FBXO42: variants seen among roughly 807,000 people sequenced by gnomAD.
FBXO42 encodes the protein F-box protein 42.
Under a neutral mutation model 71.7 loss-of-function variants are expected in FBXO42, and 12 were observed. That is an observed-to-expected ratio of 0.17 (90% CI 0.11 to 0.27). The LOEUF (loss-of-function observed/expected upper bound fraction) is 0.27. Among genes scored for constraint, FBXO42 ranks in the 10% least tolerant of loss-of-function variants. The probability of loss-of-function intolerance (pLI) is 1.00; values close to 1 mark genes in which losing one functional copy is unlikely to be tolerated. For missense variants in FBXO42, 707 were observed against 911.9 expected (o/e 0.78, Z 2.89); for synonymous variants, 325 against 327.5 (o/e 0.99, Z 0.08).
In FBXO42 at chr1:16,251,367, C is replaced by T. The variant is rs1400400273; in HGVS notation, c.1457G>A (p.Arg486Gln). 12 of 1,614,038 alleles carry T rather than the reference C, an allele frequency of 7.4e-6. No homozygotes were observed. The East Asian group carries it at 2.0e-4, about 27-fold the overall frequency. ...ATCTTTCTGATCTGGTAGTGATCCT[C>T]GTCGGGGGGCCAAAGAAAGTCCTAT... is the stretch of plus-strand genomic sequence containing the variant. ...LKIGLSLAPR[R>Q]GSLPDQKDLR... Residue 486 changes from arginine to glutamine, a missense_variant, in exon 10 of 10, where the codon CGA (arginine) becomes CAA (glutamine). By Grantham distance (43) the Arg-to-Gln change is conservative. This residue lies in a region of FBXO42 where 482 missense variants were observed against 587.1 expected (regional missense o/e 0.82). Coordinates refer to ENST00000375592, the MANE Select transcript of FBXO42 (RefSeq NM_018994.3). This position sits in a 1 kb window ranked among gnomAD's most constrained non-coding sequence, Gnocchi z 4.5.
intron 2 of FBXO42, among the ~76,000 whole-genome samples, chr1:16,311,487 CAA>C (rs138051911): frequency 0.19 from 20,195 of 108,508 alleles, 1,784 homozygotes; most frequent in East Asian, 0.38. Flanking sequence ...GATCTTGTCT[CAA>C]AAAAAAAAAA....
At chr1:16,283,492 A>G (rs904809544) in intron 4 of FBXO42, among the ~76,000 whole-genome samples, 1 of 69,812 alleles carries the variant, frequency 1.4e-5, no homozygotes, top group African/African-American at 4.1e-5. Flanking sequence ...TAACTGTGGC[A>G]AGTTTTTTTT....
intron 3 of FBXO42, among the ~76,000 whole-genome samples, chr1:16,302,307 A>G (rs6673028): frequency 0.027 from 4,052 of 152,260 alleles, 183 homozygotes; most frequent in African/African-American, 0.09. Context: ...ACTTAGCAAG[A>G]CTGAGGTAGT....
In FBXO42 at chr1:16,250,663, G is replaced by A. The variant is rs769281804; in HGVS notation, c.*7C>T. ...AGCCACAGAAAAGGAAAGGGGTTTA[G>A]AACACATTATCTCTTTGCTCGTACA... is the stretch of plus-strand genomic sequence containing the variant. On this transcript the variant is annotated 3_prime_UTR_variant, in exon 10 of 10. Coordinates refer to ENST00000375592, the MANE Select transcript of FBXO42 (RefSeq NM_018994.3). This position sits in a 1 kb window ranked among gnomAD's most constrained non-coding sequence, Gnocchi z 4.7. The A allele has an allele frequency of 6.2e-6, 10 of 1,608,830 alleles. No homozygotes were observed. In the East Asian group the frequency reaches 1.8e-4, roughly 29 times the overall value.
At chr1:16,279,168 G>T (rs549829683) in intron 4 of FBXO42, among the ~76,000 whole-genome samples, 1 of 152,260 alleles carries the variant, frequency 6.6e-6, no homozygotes, top group Admixed American at 6.5e-5. Context: ...CATGTGATAT[G>T]ACCAATACTT....
chr1:16,349,380 C>T lies in FBXO42; in HGVS notation c.-18+2875G>A, dbSNP rs144128124. Reference sequence around the variant, plus strand: ...ACCAAAAGCTGTCTTAAATTAGTACCTACTTCCCAAAACACCCGCCATATG... The same window carrying T: ...ACCAAAAGCTGTCTTAAATTAGTACTTACTTCCCAAAACACCCGCCATATG... On this transcript the variant is annotated intron_variant, in intron 1 of 9. Coordinates refer to ENST00000375592, the MANE Select transcript of FBXO42 (RefSeq NM_018994.3). 1.2e-3 allele frequency among the ~76,000 whole-genome samples: 176 copies of T among 152,292 alleles called. 3 individuals carry two copies. The highest frequency in any genetic ancestry group is 3.9e-3 in the African/African-American group (161 of 41,568).
intron 4 of FBXO42, among the ~76,000 whole-genome samples, chr1:16,274,289 C>T (rs2081874814): frequency 6.7e-6 from 1 of 149,392 alleles, no homozygotes; most frequent in South Asian, 2.1e-4. Context: ...GCCTGGGTGA[C>T]AGAATGAAAC....
At chr1:16,350,560 T>C (rs957780085) in intron 1 of FBXO42, among the ~76,000 whole-genome samples, 4 of 116,220 alleles carry the variant, frequency 3.4e-5, no homozygotes, top group Non-Finnish European at 6.8e-5. Context: ...AAACCCCGTC[T>C]CTACTAAAAT....
intron 1 of FBXO42, among the ~76,000 whole-genome samples, chr1:16,333,962 T>C (rs1265460675): frequency 3.3e-5 from 5 of 152,200 alleles, no homozygotes; most frequent in Non-Finnish European, 7.3e-5. Context: ...GCATACTGTA[T>C]CAACTGTACG....
intron 6 of FBXO42, 27 bp downstream of exon 6, chr1:16,255,684 C>T (rs1321736210): frequency 6.3e-7 from 1 of 1,582,778 alleles, no homozygotes; most frequent in Admixed American, 1.7e-5. Flanking sequence ...CCTTCAGGCT[C>T]ATATGGAGCA....
intron 1 of FBXO42, among the ~76,000 whole-genome samples, chr1:16,346,753 A>T (rs1468794839): frequency 8.0e-6 from 1 of 125,094 alleles, no homozygotes; most frequent in Non-Finnish European, 1.7e-5. Context: ...TGAACAGTAC[A>T]TTTTTTTTTT....
intron 1 of FBXO42, among the ~76,000 whole-genome samples, chr1:16,326,038 G>GTGTGTGTGTGTGTGTC (rs1441951943): frequency 3.4e-5 from 5 of 146,954 alleles, no homozygotes; most frequent in Admixed American, 1.3e-4. Flanking sequence ...GTGTGTGTGT[G>GTGTGTGTGTGTGTGTC]TGTGTGTGTG....
chr1:16,304,254 T>C (rs138919964), intron 3 of FBXO42, among the ~76,000 whole-genome samples: 3,049 of 152,030 alleles, frequency 0.02, 104 homozygotes, highest in African/African-American at 0.069. Flanking sequence ...ATAGCTGGGA[T>C]TACTGGCATG....
At chr1:16,253,594 G>C in intron 7 of FBXO42, 41 bp downstream of exon 7, 1 of 1,586,562 alleles carries the variant, frequency 6.3e-7, no homozygotes, top group Non-Finnish European at 8.7e-7. Context: ...ACTGAAAGAC[G>C]CTACAGTGTT....
intron 1 of FBXO42, among the ~76,000 whole-genome samples, chr1:16,332,270 G>A (rs998220210): frequency 1.1e-4 from 16 of 152,040 alleles, no homozygotes; most frequent in Non-Finnish European, 2.4e-4. Flanking sequence ...ACTTAAAAAT[G>A]ACAGTAAATT....
intron 4 of FBXO42, among the ~76,000 whole-genome samples, chr1:16,281,801 C>T (rs1019483813): frequency 2.0e-5 from 3 of 151,900 alleles, no homozygotes; most frequent in African/African-American, 2.4e-5. Context: ...GGATTACAGG[C>T]GCACATCACC....
At chr1:16,315,017 C>A (rs1242803634) in intron 2 of FBXO42, 152 bp downstream of exon 2, 2 of 739,878 alleles carry the variant, frequency 2.7e-6, no homozygotes, top group Non-Finnish European at 4.2e-6. Context: ...ATTAAACTAA[C>A]CAGGGTAAGA....
chr1:16,261,550 A>G (rs1471007153), intron 4 of FBXO42, among the ~76,000 whole-genome samples: 1 of 152,212 alleles, frequency 6.6e-6, no homozygotes, highest in Non-Finnish European at 1.5e-5. Context: ...TCAACTAAGT[A>G]GGGGAAAGTT....
chr1:16,284,908 C>T (rs1283580793), intron 4 of FBXO42, among the ~76,000 whole-genome samples: 2 of 151,994 alleles, frequency 1.3e-5, no homozygotes, highest in African/African-American at 2.4e-5. Flanking sequence ...GTGGAGGTTG[C>T]GGTGAGCCAG....
Sources: gnomAD v4.1 joint callset for allele counts (sites outside exome capture counted in the v4.1 genomes callset) on GRCh38, gnomAD v4.1.1 for gene constraint, gnomAD v4.1.1 regional missense constraint, Gnocchi (gnomAD v3.1) non-coding constraint, MANE v1.5 for transcripts, NCBI Gene and HGNC (gene_info 2026-07-23, HGNC 2026-07-21) for gene names.